The following LAMC1 variants were observed in gnomAD, a reference collection of about 807,000 sequenced individuals.
LAMC1 encodes the protein laminin subunit gamma 1.
A neutral mutation model predicts 173.6 loss-of-function variants in LAMC1; 38 were observed. The ratio of observed to expected loss-of-function variants is 0.22; its 90% CI spans 0.17 to 0.29. The LOEUF is 0.29. Among genes scored for constraint, LAMC1 ranks in the 10% least tolerant of loss-of-function variants. The pLI, the probability that LAMC1 is intolerant of heterozygous loss-of-function variation, is 1.00. For missense variants in LAMC1, 1,824 were observed against 2,051.8 expected, an observed-to-expected ratio of 0.89 and a Z score of 2.14; for synonymous variants, 746 against 749.1, an observed-to-expected ratio of 1.00 and a Z score of 0.07.
At chr1:183,101,734 G>A (rs960322246) in intron 1 of LAMC1, among the ~76,000 whole-genome samples, 1 of 152,016 alleles carries the variant, frequency 6.6e-6, no homozygotes, top group African/African-American at 2.4e-5. Flanking sequence ...AGGGAGTCAG[G>A]ACCTGAACTC....
intron 1 of LAMC1, among the ~76,000 whole-genome samples, chr1:183,063,312 C>CTAAG (rs34295433): frequency 0.5 from 75,883 of 151,542 alleles, 19,584 homozygotes; most frequent in South Asian, 0.64. Context: ...TATTTCAGAG[C>CTAAG]TAATTGACAT....
At position 183,024,025 on chromosome 1, in the gene LAMC1, A is replaced by T; in HGVS notation, c.309A>T (p.Ala103=). The T allele has an allele frequency of 1.2e-6, 2 of 1,613,094 alleles. No individual in the cohort carries two copies. The highest frequency in any genetic ancestry group is 2.2e-5 in the South Asian group (2 of 90,990). The part of the protein sequence containing the change: ...DAGQPHLQHG[A]AFLTDYNNQA... ...GGCAGCCCCACCTGCAGCACGGGGCAGCCTTCCTGACCGACTACAACAACC... is the reference window on the plus strand; with the variant it reads ...GGCAGCCCCACCTGCAGCACGGGGCTGCCTTCCTGACCGACTACAACAACC... Residue 103 remains alanine, a synonymous_variant, in exon 1 of 28, where the codon GCA becomes GCT. Coordinates refer to ENST00000258341, the MANE Select transcript of LAMC1 (RefSeq NM_002293.4).
chr1:183,028,150 T>TC lies in LAMC1; in HGVS notation c.418+4018dup, dbSNP rs1553252306. Among the ~76,000 whole-genome samples, 231 of 145,604 alleles carry TC rather than the reference T, an allele frequency of 1.6e-3. 2 individuals carry two copies. Among genetic ancestry groups the TC allele is most frequent in the African/African-American group, 4.2e-3 (169 of 39,982 alleles). ...GGGAGAAGTTGGAGCTATAAGGCAT[T>TC]CCTCCCCCCCCCCACCTCTTCCATT... On this transcript the variant is annotated intron_variant, in intron 1 of 27. Coordinates refer to ENST00000258341, the MANE Select transcript of LAMC1 (RefSeq NM_002293.4).
At chr1:183,065,578 T>A (rs1222543664) in intron 1 of LAMC1, among the ~76,000 whole-genome samples, 1 of 152,200 alleles carries the variant, frequency 6.6e-6, no homozygotes, top group East Asian at 1.9e-4. Context: ...AATAGGTTAA[T>A]CACATCTAAA....
chr1:183,115,534 C>G lies in LAMC1; in HGVS notation c.1225C>G (p.Gln409Glu). The G allele has an allele frequency of 1.2e-6, 2 of 1,613,156 alleles. No homozygotes were observed. Among genetic ancestry groups the G allele is most frequent in the Admixed American group, 3.3e-5 (2 of 59,988 alleles). Residue 409 changes from glutamine to glutamate, a missense_variant, in exon 6 of 28, where the codon CAG becomes GAG. Physicochemically the swap from Gln to Glu is conservative, Grantham distance 29. Coordinates refer to ENST00000258341, the MANE Select transcript of LAMC1 (RefSeq NM_002293.4). ...TTACATTTTAGGCTCTCTAAGCACA[C>G]AGTGTGATAGTTACGGCAGATGCAG... The part of the protein sequence containing the change: ...HCSPVGSLST[Q>E]CDSYGRCSCK...
intron 1 of LAMC1, among the ~76,000 whole-genome samples, chr1:183,060,439 C>G (rs536902363): frequency 7.2e-5 from 11 of 151,778 alleles, no homozygotes; most frequent in African/African-American, 2.2e-4. Flanking sequence ...TCCCTCTGTC[C>G]TGCATTTGCC....
At chr1:183,045,958 T>G (rs1248375815) in intron 1 of LAMC1, among the ~76,000 whole-genome samples, 1 of 152,110 alleles carries the variant, frequency 6.6e-6, no homozygotes, top group African/African-American at 2.4e-5. Flanking sequence ...TTTCTTTCCC[T>G]TATTGATTTG....
chr1:183,079,635 A>G (rs1233811028), intron 1 of LAMC1, among the ~76,000 whole-genome samples: 1 of 152,140 alleles, frequency 6.6e-6, no homozygotes, highest in Non-Finnish European at 1.5e-5. Flanking sequence ...TCCTGTGCAG[A>G]TATCTATTCC....
rs56152259 is a variant in LAMC1 at position 183,140,245 on chromosome 1, C to CAAAAAAA, written c.4474-145_4474-139dup. Among the ~76,000 whole-genome samples, 44 of 52,900 alleles carry CAAAAAAA rather than the reference C, an allele frequency of 8.3e-4. 3 individuals carry two copies. Among genetic ancestry groups the CAAAAAAA allele is most frequent in the Admixed American group, 1.5e-3 (5 of 3,436 alleles). 34.7% of individuals were successfully genotyped at this position (52,900 alleles called of 152,430 possible). A position where few individuals can be genotyped will look rare whatever the true frequency, so the allele number is the denominator to read the frequency against. ...ATATGAAGATATGCAGCAGCCCCAC[C>CAAAAAAA]AAAAAAAAAAAAAAAAAAAAGCAAT... On this transcript the variant is annotated intron_variant, in intron 26 of 27. Coordinates refer to ENST00000258341, the MANE Select transcript of LAMC1 (RefSeq NM_002293.4).
chr1:183,078,527 A>G (rs1655178147), intron 1 of LAMC1, among the ~76,000 whole-genome samples: 1 of 151,334 alleles, frequency 6.6e-6, no homozygotes, highest in Admixed American at 6.6e-5. Flanking sequence ...GCTTGCAGTG[A>G]GCCAAGATCA....
Position 183,125,479 on chromosome 1 carries a change from C to T in LAMC1, c.2730C>T (p.His910=), listed in dbSNP as rs750369532. 77 of 1,613,628 alleles carry T rather than the reference C, an allele frequency of 4.8e-5. 2 individuals are homozygous for T. In the Admixed American group the frequency reaches 9.0e-4, roughly 19 times the overall value. Residue 910 remains histidine, a synonymous_variant, in exon 15 of 28, where the codon CAC becomes CAT. Transcript: ENST00000258341. ...CGGGGCAGTGTGAATGTTTGCCTCACGTGACTGGCCAGGACTGTGGTGCTT... is the reference window on the plus strand; with the variant it reads ...CGGGGCAGTGTGAATGTTTGCCTCATGTGACTGGCCAGGACTGTGGTGCTT... ...PVTGQCECLP[H]VTGQDCGACD...
intron 1 of LAMC1, among the ~76,000 whole-genome samples, chr1:183,073,708 G>A (rs1324693017): frequency 6.6e-6 from 1 of 152,164 alleles, no homozygotes; most frequent in Non-Finnish European, 1.5e-5. Flanking sequence ...ATATGTGTAT[G>A]TCTGTTTTAA....
At chr1:183,060,168 A>T (rs1469907236) in intron 1 of LAMC1, among the ~76,000 whole-genome samples, 2 of 152,120 alleles carry the variant, frequency 1.3e-5, no homozygotes, top group African/African-American at 4.8e-5. Flanking sequence ...ATGTAGCTAG[A>T]CTTTTAAGTC....
At chr1:183,056,498 CTTCATCCT>C (rs1654599746) in intron 1 of LAMC1, among the ~76,000 whole-genome samples, 1 of 152,162 alleles carries the variant, frequency 6.6e-6, no homozygotes, top group East Asian at 1.9e-4. Flanking sequence ...CCTGAGCCAT[CTTCATCCT>C]TGAAGAGTTC....
At chr1:183,067,694 A>G (rs1352433281) in intron 1 of LAMC1, among the ~76,000 whole-genome samples, 1 of 151,902 alleles carries the variant, frequency 6.6e-6, no homozygotes, top group Non-Finnish European at 1.5e-5. Context: ...GTTTTACTGT[A>G]TTGGCCAGGC....
chr1:183,137,480 G>T (rs1656977643), intron 25 of LAMC1, among the ~76,000 whole-genome samples, 189 bp from the exon 26 acceptor site: 1 of 108,386 alleles, frequency 9.2e-6, no homozygotes, highest in African/African-American at 3.0e-5. Flanking sequence ...TTATTATGTG[G>T]GTAGTAATTT....
intron 15 of LAMC1, 82 bp downstream of exon 15, chr1:183,125,632 T>A: frequency 1.8e-6 from 2 of 1,089,434 alleles, no homozygotes; most frequent in East Asian, 5.1e-5. Flanking sequence ...CATTTAATAA[T>A]TGACTGTTCA....
intron 1 of LAMC1, among the ~76,000 whole-genome samples, chr1:183,102,633 C>G (rs1655864475): frequency 6.6e-6 from 1 of 152,230 alleles, no homozygotes; most frequent in Non-Finnish European, 1.5e-5. Context: ...CCTCTCTGCT[C>G]AGAGCTCATT....
intron 1 of LAMC1, among the ~76,000 whole-genome samples, chr1:183,050,630 G>T (rs1169395045): frequency 1.4e-5 from 2 of 141,742 alleles, no homozygotes; most frequent in South Asian, 4.9e-4. Context: ...GGTGGCTCAC[G>T]CCTGTAATCC....
Sources: gnomAD v4.1 joint callset for allele counts (sites outside exome capture counted in the v4.1 genomes callset) on GRCh38, gnomAD v4.1.1 for gene constraint, MANE v1.5 for transcripts, NCBI Gene and HGNC (gene_info 2026-07-23, HGNC 2026-07-21) for gene names.